The following PPP2R5C variants were observed in gnomAD, a reference collection of about 807,000 sequenced individuals.
The protein encoded by PPP2R5C is serine/threonine-protein phosphatase 2A 56 kDa regulatory subunit gamma isoform.
PPP2R5C carries 7 observed loss-of-function variants against 68.9 expected under a neutral mutation model. The ratio of observed to expected loss-of-function variants is 0.10; its 90% CI spans 0.06 to 0.19. The LOEUF is 0.19. Among genes scored for constraint, PPP2R5C ranks in the 10% least tolerant of loss-of-function variants. The pLI, the probability that PPP2R5C is intolerant of heterozygous loss-of-function variation, is 1.00. For synonymous variants in PPP2R5C, 210 were observed against 222.2 expected (o/e 0.95, Z 0.49); for missense variants, 348 against 641.3 (o/e 0.54, Z 4.94).
intron 8 of PPP2R5C, among the ~76,000 whole-genome samples, chr14:101,896,636 CAAA>C (rs34603513): frequency 3.6e-5 from 4 of 110,392 alleles, no homozygotes; most frequent in East Asian, 2.6e-4. Flanking sequence ...ACCCTGTCTC[CAAA>C]AAAAAAAAAA....
At chr14:101,783,435 G>A (rs541944385) in intron 2 of PPP2R5C, among the ~76,000 whole-genome samples, 1 of 151,456 alleles carries the variant, frequency 6.6e-6, no homozygotes, top group East Asian at 2.0e-4. Flanking sequence ...GAGTTGGTGG[G>A]AGCACCAGGT....
rs1322530305 is a variant in PPP2R5C, at chr14:101,913,881, C to A, written c.1326+1408C>A. Among the ~76,000 whole-genome samples, 1 of 152,112 alleles carries A rather than the reference C, an allele frequency of 6.6e-6. No individual in the cohort carries two copies. Among genetic ancestry groups the A allele is most frequent in the Non-Finnish European group, 1.5e-5 (1 of 68,020 alleles). ...AAAACATGTGAGAAATGAATACACA[C>A]ACACACACAAACACACACACACGAA... On this transcript the variant is annotated intron_variant, in intron 12 of 13. Coordinates refer to ENST00000334743, the Ensembl canonical transcript of PPP2R5C. The surrounding 1 kb of genome is among the most constrained non-coding windows in gnomAD (Gnocchi z 4.1).
Position 101,906,273 on chromosome 14 carries a change from A to G in PPP2R5C, c.1024-129A>G. The G allele has an allele frequency of 1.9e-6, 2 of 1,052,564 alleles. No individual in the cohort carries two copies. The highest frequency in any genetic ancestry group is 2.7e-6 in the Non-Finnish European group (2 of 742,006). The allele number at this position is 1,052,564 out of a possible 1,614,324, so 65.2% of individuals were successfully genotyped here. A position where few individuals can be genotyped will look rare whatever the true frequency, so the allele number is the denominator to read the frequency against. On this transcript the variant is annotated intron_variant, in intron 9 of 13. Transcript: ENST00000334743. The surrounding 1 kb of genome is among the most constrained non-coding windows in gnomAD (Gnocchi z 4.0). Reference sequence around the variant, plus strand: ...CAGGTTACAGTCTAGAATATTTTGAATTTGTAGAAATAATCATAATTTTCT... The same window carrying G: ...CAGGTTACAGTCTAGAATATTTTGAGTTTGTAGAAATAATCATAATTTTCT...
chr14:101,860,585 T>C (rs773804323), intron 2 of PPP2R5C, among the ~76,000 whole-genome samples: 4 of 152,218 alleles, frequency 2.6e-5, no homozygotes, highest in Admixed American at 6.5e-5. Flanking sequence ...ATGGTAACTT[T>C]AACATTTTGA....
intron 13 of PPP2R5C, chr14:101,921,881 A>T: frequency 1.5e-6 from 1 of 683,626 alleles, no homozygotes; most frequent in Non-Finnish European, 1.8e-6. Flanking sequence ...TCAAGAAACT[A>T]GTATAACCCT....
At chr14:101,918,261 C>T (rs1356185214) in intron 13 of PPP2R5C, among the ~76,000 whole-genome samples, 2 of 137,616 alleles carry the variant, frequency 1.5e-5, no homozygotes, top group African/African-American at 5.8e-5. Context: ...ATCCACCCCT[C>T]GCTGTTTTCT....
chr14:101,851,961 G>A (rs1201508556), intron 1 of PPP2R5C, among the ~76,000 whole-genome samples: 1 of 152,068 alleles, frequency 6.6e-6, no homozygotes, highest in Non-Finnish European at 1.5e-5. Flanking sequence ...TGTAATTGAG[G>A]TACATGTTGC....
At chr14:101,867,227 G>T (rs1349478076) in intron 2 of PPP2R5C, among the ~76,000 whole-genome samples, 1 of 150,028 alleles carries the variant, frequency 6.7e-6, no homozygotes, top group Non-Finnish European at 1.5e-5. Context: ...AAAAAAAAAA[G>T]CAAGAAGAAA....
exon 14 of PPP2R5C, chr14:101,925,227 A>G: frequency 6.2e-7 from 1 of 1,613,816 alleles, no homozygotes; most frequent in Non-Finnish European, 8.5e-7. Context: ...AAGCCTTGGA[A>G]GCTCACTGCA....
chr14:101,830,093 G>T (rs2040647029), intron 1 of PPP2R5C, among the ~76,000 whole-genome samples: 1 of 152,082 alleles, frequency 6.6e-6, no homozygotes, highest in African/African-American at 2.4e-5. Flanking sequence ...ATACCATTTT[G>T]TAAAGAAAAG....
chr14:101,841,454 A>G (rs1784898459), intron 1 of PPP2R5C, among the ~76,000 whole-genome samples: 1 of 152,182 alleles, frequency 6.6e-6, no homozygotes, highest in Non-Finnish European at 1.5e-5. Context: ...AGGTTTCCCC[A>G]AATGCCACCA....
In PPP2R5C at chr14:101,916,263, G is replaced by A. The variant is rs2046664902; in HGVS notation, c.1327-1568G>A. Among the ~76,000 whole-genome samples, 1 of 152,176 alleles carries A rather than the reference G, an allele frequency of 6.6e-6. No individual in the cohort carries two copies. ...TGTGGGAGTGAAGGCACAGGGCGCT[G>A]AGGACCTGGTCTGACTGGCCTTCAA... is the stretch of plus-strand genomic sequence containing the variant. On this transcript the variant is annotated intron_variant, in intron 12 of 13. Transcript: ENST00000334743. This position sits in a 1 kb window ranked among gnomAD's most constrained non-coding sequence, Gnocchi z 5.5.
At chr14:101,900,961 G>A (rs796458483) in intron 8 of PPP2R5C, among the ~76,000 whole-genome samples, 25 of 152,382 alleles carry the variant, frequency 1.6e-4, no homozygotes, top group African/African-American at 4.3e-4. Context: ...AGCACAGTAC[G>A]CCCTGCCCGG....
chr14:101,764,030 G>GT (rs1462659583), intron 2 of PPP2R5C, among the ~76,000 whole-genome samples: 2,997 of 146,240 alleles, frequency 0.02, 104 homozygotes, highest in African/African-American at 0.068. Context: ...TGTGTGTGTG[G>GT]GCGCGCGCAC....
rs1209308602 is a variant in PPP2R5C, at chr14:101,891,308, G to A, written c.689+1012G>A. 1.3e-5 allele frequency among the ~76,000 whole-genome samples: 2 copies of A among 152,144 alleles called. No homozygotes were observed. Among genetic ancestry groups the A allele is most frequent in the Non-Finnish European group, 2.9e-5 (2 of 68,028 alleles). Reference sequence around the variant, plus strand: ...TCCTGAGCACAAGACTCTCTTCTCAGGGTGGATCAGGTCCTGCCCAGTAGT... The same window carrying A: ...TCCTGAGCACAAGACTCTCTTCTCAAGGTGGATCAGGTCCTGCCCAGTAGT... On this transcript the variant is annotated intron_variant, in intron 6 of 13. Transcript: ENST00000334743. The surrounding 1 kb of genome is among the most constrained non-coding windows in gnomAD (Gnocchi z 4.9).
intron 2 of PPP2R5C, chr14:101,766,355 A>G (rs1486575788): frequency 6.6e-6 from 1 of 152,204 alleles, no homozygotes; most frequent in African/African-American, 2.4e-5. Flanking sequence ...GCCATAAATG[A>G]TGTCACCTAA....
chr14:101,811,649 G>T lies in PPP2R5C; in HGVS notation c.94+1613G>T, dbSNP rs2039369324. On this transcript the variant is annotated intron_variant, in intron 1 of 13. Transcript: ENST00000334743. ...AGAGCCACTGTACCTGGCCAAGTTA[G>T]TTCTTAAAAACGAACTAGTTAGCAG... Among the ~76,000 whole-genome samples, 4 of 152,252 alleles carry T rather than the reference G, an allele frequency of 2.6e-5. No homozygotes were observed. The South Asian group carries it at 8.3e-4, about 32-fold the overall frequency.
chr14:101,895,964 A>G (rs1253135445), intron 8 of PPP2R5C, among the ~76,000 whole-genome samples: 1 of 151,952 alleles, frequency 6.6e-6, no homozygotes, highest in Non-Finnish European at 1.5e-5. Context: ...ATCTCCCCAC[A>G]TTCTCACCAG....
rs116502139 is a variant in PPP2R5C at position 101,857,509 on chromosome 14, A to G, written c.294+624A>G. Among the ~76,000 whole-genome samples the G allele has an allele frequency of 7.3e-3, 1,105 of 152,342 alleles. 18 individuals carry two copies. The highest frequency in any genetic ancestry group is 0.026 in the African/African-American group (1,065 of 41,564). ...TGCTTCCTCTGTCATTCCTCTATCA[A>G]TGACAGTATGTCCTGACTGGCTGAA... On this transcript the variant is annotated intron_variant, in intron 2 of 13. Transcript: ENST00000334743.
Sources: gnomAD v4.1 joint callset for allele counts (sites outside exome capture counted in the v4.1 genomes callset) on GRCh38, gnomAD v4.1.1 for gene constraint, Gnocchi (gnomAD v3.1) non-coding constraint, MANE v1.5 for transcripts, NCBI Gene and HGNC (gene_info 2026-07-23, HGNC 2026-07-21) for gene names.